KCNIP4: variants seen among roughly 807,000 people sequenced by gnomAD.
KCNIP4 encodes Kv channel-interacting protein 4.
In KCNIP4, 12 loss-of-function variants were observed where a neutral mutation model predicts 34.0. That is an observed-to-expected ratio of 0.35 (90% confidence interval 0.23 to 0.57). The LOEUF (loss-of-function observed/expected upper bound fraction) is 0.57. Among genes scored for constraint, KCNIP4 ranks in the 20% least tolerant of loss-of-function variants. KCNIP4 has a pLI of 0.83. For missense variants in KCNIP4, 238 were observed against 311.7 expected (o/e 0.76, Z 1.78); for synonymous variants, 124 against 102.2 (o/e 1.21, Z -1.29).
At chr4:21,425,232 A>ATG (rs1725832696) in intron 1 of KCNIP4, among the ~76,000 whole-genome samples, 1 of 152,192 alleles carries the variant, frequency 6.6e-6, no homozygotes, top group African/African-American at 2.4e-5. Context: ...ATAAAATACT[A>ATG]CCTAACTTAA....
intron 1 of KCNIP4, among the ~76,000 whole-genome samples, chr4:21,897,875 C>T (rs948791924): frequency 7.9e-5 from 12 of 152,114 alleles, no homozygotes; most frequent in East Asian, 3.9e-4. Flanking sequence ...GGAGGGAAGA[C>T]GGTTTTGTAT....
At chr4:20,916,988 TATATATATATATATATATATATA>T (rs1728892835) in intron 1 of KCNIP4, among the ~76,000 whole-genome samples, 327 of 30,380 alleles carry the variant, frequency 0.011, 39 homozygotes, top group African/African-American at 0.022. Context: ...CTTATGTTTA[TATATATATATATATATATATATA>T]TATATATATA....
chr4:20,923,341 T>A (rs1177763773), intron 1 of KCNIP4, among the ~76,000 whole-genome samples: 2 of 152,212 alleles, frequency 1.3e-5, no homozygotes, highest in Non-Finnish European at 2.9e-5. Context: ...AATTATTGTG[T>A]CAGCTTATAA....
intron 1 of KCNIP4, among the ~76,000 whole-genome samples, chr4:21,624,428 G>A (rs547227257): frequency 2.6e-5 from 4 of 152,250 alleles, no homozygotes; most frequent in Admixed American, 2.0e-4. Context: ...ATAAGTGGGT[G>A]TGGAATAGAT....
In KCNIP4 at chr4:21,016,574, C is replaced by T. The variant is rs530159981; in HGVS notation, c.62-133865G>A. Among the ~76,000 whole-genome samples the T allele has an allele frequency of 1.4e-4, 22 of 152,162 alleles. No homozygotes were observed. In the South Asian group the frequency reaches 3.7e-3, roughly 26 times the overall value. On this transcript the variant is annotated intron_variant, in intron 1 of 8. Transcript: ENST00000382152. ...CCTCCCAAAGTGCTGGGATTACAGG[C>T]GTGAGACACCTCACCCAGCCAAGCT...
At chr4:20,753,709 C>T (rs1484465999) in intron 4 of KCNIP4, among the ~76,000 whole-genome samples, 1 of 152,174 alleles carries the variant, frequency 6.6e-6, no homozygotes, top group African/African-American at 2.4e-5. Context: ...TAGCTTCTGT[C>T]AATAAGCCCT....
chr4:21,753,793 T>G (rs997426730), intron 1 of KCNIP4, among the ~76,000 whole-genome samples: 2 of 152,254 alleles, frequency 1.3e-5, no homozygotes, highest in South Asian at 4.1e-4. Flanking sequence ...GAAACTATAG[T>G]CAAGCCCATG....
At chr4:21,165,466 A>AG (rs1288536237) in intron 1 of KCNIP4, among the ~76,000 whole-genome samples, 1 of 17,428 alleles carries the variant, frequency 5.7e-5, no homozygotes, top group Non-Finnish European at 1.2e-4. Context: ...AAAAAAAAAA[A>AG]AAAAAAAAAG....
chr4:21,299,944 A>G (rs1764063564), intron 1 of KCNIP4, among the ~76,000 whole-genome samples: 1 of 152,196 alleles, frequency 6.6e-6, no homozygotes, highest in African/African-American at 2.4e-5. Context: ...TTGAATAAAT[A>G]CAAAAGACAG....
chr4:21,825,835 A>G (rs952173841), intron 1 of KCNIP4, among the ~76,000 whole-genome samples: 4 of 152,178 alleles, frequency 2.6e-5, no homozygotes, highest in Non-Finnish European at 5.9e-5. Flanking sequence ...TCAGGTGTTT[A>G]CAAGTTCTGT....
At chr4:21,518,658 T>C (rs2109941944) in intron 1 of KCNIP4, among the ~76,000 whole-genome samples, 1 of 152,212 alleles carries the variant, frequency 6.6e-6, no homozygotes, top group Non-Finnish European at 1.5e-5. Flanking sequence ...TTTTCATCTG[T>C]ATCAGGAATG....
At chr4:21,056,112 A>C (rs1453450215) in intron 1 of KCNIP4, among the ~76,000 whole-genome samples, 4 of 152,152 alleles carry the variant, frequency 2.6e-5, no homozygotes, top group African/African-American at 9.6e-5. Flanking sequence ...GCCCTAAAAA[A>C]GTCTTTCTTA....
chr4:20,921,869 TATATTTG>T (rs1392035713), intron 1 of KCNIP4, among the ~76,000 whole-genome samples: 2 of 152,234 alleles, frequency 1.3e-5, no homozygotes, highest in Non-Finnish European at 2.9e-5. Context: ...CTATCTCTAT[TATATTTG>T]TCATGAGGCC....
At chr4:21,814,762 C>T (rs946648140) in intron 1 of KCNIP4, among the ~76,000 whole-genome samples, 26 of 152,130 alleles carry the variant, frequency 1.7e-4, no homozygotes, top group Admixed American at 1.4e-3. Flanking sequence ...AGTCAGTTCA[C>T]TACCTTCAGA....
chr4:21,040,267 T>TC (rs1398702710), intron 1 of KCNIP4, among the ~76,000 whole-genome samples: 1 of 152,188 alleles, frequency 6.6e-6, no homozygotes, highest in Non-Finnish European at 1.5e-5. Context: ...CCTATTTTTT[T>TC]CCTTTTGAAA....
intron 1 of KCNIP4, among the ~76,000 whole-genome samples, chr4:21,790,961 G>T (rs1278226319): frequency 2.6e-5 from 2 of 77,422 alleles, no homozygotes; most frequent in Non-Finnish European, 5.0e-5. Flanking sequence ...ATTTGCCTGC[G>T]CACTCCACAA....
At chr4:21,607,170 C>G (rs1008884740) in intron 1 of KCNIP4, among the ~76,000 whole-genome samples, 1 of 152,044 alleles carries the variant, frequency 6.6e-6, no homozygotes, top group Non-Finnish European at 1.5e-5. Context: ...TAGATTCAAT[C>G]CCAATGCCAC....
chr4:21,841,723 T>C lies in KCNIP4; in HGVS notation c.61+106848A>G, dbSNP rs548039144. On this transcript the variant is annotated intron_variant, in intron 1 of 8. Coordinates refer to ENST00000382152, the MANE Select transcript of KCNIP4 (RefSeq NM_025221.6). ...ATTTTCTGAAGGATTCTTAAAGTGA[T>C]TGGAGACACAGGGTGTCAAAAATCC... is the stretch of plus-strand genomic sequence containing the variant. 9.2e-5 allele frequency among the ~76,000 whole-genome samples: 14 copies of C among 152,254 alleles called. No homozygotes were observed. In the South Asian group the frequency reaches 1.9e-3, roughly 20 times the overall value.
chr4:21,450,027 C>A (rs1267593231), intron 1 of KCNIP4, among the ~76,000 whole-genome samples: 1 of 152,130 alleles, frequency 6.6e-6, no homozygotes, highest in East Asian at 1.9e-4. Flanking sequence ...AACAAGCCTA[C>A]AGAGTTATTT....
Sources: gnomAD v4.1 joint callset for allele counts (sites outside exome capture counted in the v4.1 genomes callset) on GRCh38, gnomAD v4.1.1 for gene constraint, MANE v1.5 for transcripts, NCBI Gene and HGNC (gene_info 2026-07-23, HGNC 2026-07-21) for gene names.